Variants in SLCO4C1 observed in about 807,000 individuals in gnomAD.
The protein encoded by SLCO4C1 is solute carrier organic anion transporter family member 4C1.
In SLCO4C1, 58 loss-of-function variants were observed where a neutral mutation model predicts 72.1. That is an observed-to-expected ratio of 0.80 (90% CI 0.65 to 1.00). SLCO4C1 has a LOEUF of 1.00. Ranked by LOEUF, SLCO4C1 falls within the 50% of genes least tolerant of loss-of-function variation. The probability of loss-of-function intolerance (pLI) is 0.00; values close to 1 mark genes in which losing one functional copy is unlikely to be tolerated. For synonymous variants in SLCO4C1, 297 were observed against 312.5 expected (o/e 0.95, Z 0.52); for missense variants, 898 against 857.9 (o/e 1.05, Z -0.58).
intron 10 of SLCO4C1, among the ~76,000 whole-genome samples, chr5:102,242,326 A>C (rs1437417321): frequency 6.6e-6 from 1 of 152,192 alleles, no homozygotes; most frequent in Non-Finnish European, 1.5e-5. Context: ...AAGACAGTGG[A>C]CTGGAGGCAC....
Position 102,257,976 on chromosome 5 carries a change from C to A in SLCO4C1, c.1240G>T (p.Gly414Ter). ...GTAGCTGCGAAGCTGGATGTCAATC[C>A]GAATTGATTTTCTATAAATTTAGGT... ...FLPKFIENQF[G>*]LTSSFAATLG... The change falls in exon 7 of 13, where the codon GGA (glycine) becomes TGA (stop). Residue 414 changes from glycine to a stop codon, truncating the protein, a stop_gained. Coordinates refer to ENST00000310954, the MANE Select transcript of SLCO4C1 (RefSeq NM_180991.5). LOFTEE classifies it high-confidence loss of function. 1.9e-6 allele frequency: 3 copies of A among 1,604,888 alleles called. No individual in the cohort carries two copies. Among genetic ancestry groups the A allele is most frequent in the South Asian group, 1.1e-5 (1 of 88,400 alleles).
intron 7 of SLCO4C1, 116 bp downstream of exon 7, chr5:102,257,827 C>T: frequency 2.1e-6 from 2 of 933,728 alleles, no homozygotes; most frequent in Non-Finnish European, 3.2e-6. Context: ...ACCATGTTGG[C>T]CGGGCTGGTT....
intron 5 of SLCO4C1, among the ~76,000 whole-genome samples, chr5:102,260,618 A>C (rs1748923049): frequency 6.6e-6 from 1 of 151,890 alleles, no homozygotes; most frequent in Non-Finnish European, 1.5e-5. Flanking sequence ...CTAAACATTA[A>C]AATGAGACAA....
At chr5:102,275,724 G>T (rs1023972684) in intron 2 of SLCO4C1, among the ~76,000 whole-genome samples, 1 of 152,114 alleles carries the variant, frequency 6.6e-6, no homozygotes, top group Admixed American at 6.6e-5. Flanking sequence ...AATCTTCTTG[G>T]TTCTCGAATA....
At position 102,260,321 on chromosome 5, in the gene SLCO4C1, TAA is replaced by T. The variant is rs746119680; in HGVS notation, c.1022-4_1022-3del. On this transcript the variant is annotated splice_polypyrimidine_tract_variant and splice_region_variant and intron_variant, in intron 5 of 12. Coordinates refer to ENST00000310954, the MANE Select transcript of SLCO4C1 (RefSeq NM_180991.5). ...TTCCAGCTTGAATTTCTGCTGTACC[TAA>T]AAAAAAAATATATATATATATATAA... The T allele has an allele frequency of 0.016, 6,303 of 405,022 alleles. 764 individuals are homozygous for T. Among genetic ancestry groups the T allele is most frequent in the Non-Finnish European group, 0.018 (5,341 of 290,682 alleles). The allele number at this position is 405,022 out of a possible 1,614,324, so 25.1% of individuals were successfully genotyped here.
intron 1 of SLCO4C1, among the ~76,000 whole-genome samples, chr5:102,293,995 G>A (rs1343549614): frequency 1.3e-5 from 2 of 152,272 alleles, no homozygotes; most frequent in East Asian, 3.9e-4. Flanking sequence ...TTCAAACTCC[G>A]CCTCCTGGGT....
chr5:102,247,232 T>C lies in SLCO4C1; in HGVS notation c.1811+20A>G. 6.8e-7 allele frequency: 1 copy of C among 1,460,364 alleles called. No homozygotes were observed. Among genetic ancestry groups the C allele is most frequent in the Non-Finnish European group, 9.1e-7 (1 of 1,093,902 alleles). The allele number at this position is 1,460,364 out of a possible 1,614,324, so 90.5% of individuals were successfully genotyped here. A position where few individuals can be genotyped will look rare whatever the true frequency, so the allele number is the denominator to read the frequency against. Reference sequence around the variant, plus strand: ...AACATGTTGCCTTAGGGAATGAAAATTTCTCAACGTGCTACATACCTTAGG... The same window carrying C: ...AACATGTTGCCTTAGGGAATGAAAACTTCTCAACGTGCTACATACCTTAGG... On this transcript the variant is annotated intron_variant, in intron 10 of 12. Coordinates refer to ENST00000310954, the MANE Select transcript of SLCO4C1 (RefSeq NM_180991.5).
chr5:102,291,500 T>C lies in SLCO4C1; in HGVS notation c.462A>G (p.Ser154=), dbSNP rs775698981. The C allele has an allele frequency of 6.2e-7, 1 of 1,614,094 alleles. No individual in the cohort carries two copies. ...TGLISSSYDI[S]FCLLSLFVSF... is the part of the protein sequence containing the mutation. ...ATACAAATAAAGACAACAAACAGAA[T>C]GAAATATCGTAGCTTGATGAAATCA... The change falls in exon 2 of 13, where the codon TCA becomes TCG. Residue 154 remains serine (S), a synonymous_variant. Coordinates refer to ENST00000310954, the MANE Select transcript of SLCO4C1 (RefSeq NM_180991.5).
At chr5:102,250,176 A>T (rs1748712553) in intron 8 of SLCO4C1, among the ~76,000 whole-genome samples, 1 of 152,190 alleles carries the variant, frequency 6.6e-6, no homozygotes. Flanking sequence ...ATCTCCATAC[A>T]GTGCCAAATA....
intron 6 of SLCO4C1, 139 bp downstream of exon 6, chr5:102,260,074 G>A (rs1748905854): frequency 4.1e-6 from 1 of 243,954 alleles, no homozygotes; most frequent in Admixed American, 5.7e-5. Context: ...ATGTATACAT[G>A]TGTGGTTGTA....
intron 2 of SLCO4C1, among the ~76,000 whole-genome samples, chr5:102,272,604 A>G (rs1276800306): frequency 6.6e-6 from 1 of 152,176 alleles, no homozygotes; most frequent in Non-Finnish European, 1.5e-5. Context: ...TAAAAAAGGA[A>G]TGGAAACAAT....
intron 10 of SLCO4C1, among the ~76,000 whole-genome samples, chr5:102,244,389 T>C (rs2112338879): frequency 6.6e-6 from 1 of 152,186 alleles, no homozygotes; most frequent in Non-Finnish European, 1.5e-5. Context: ...GCCTACAGCA[T>C]CTAGAAAATA....
chr5:102,257,100 C>G lies in SLCO4C1; in HGVS notation c.1469+15G>C. 2.7e-6 allele frequency: 4 copies of G among 1,486,420 alleles called. No homozygotes were observed. The highest frequency in any genetic ancestry group is 3.6e-6 in the Non-Finnish European group (4 of 1,115,160). 92.1% of individuals were successfully genotyped at this position (1,486,420 alleles called of 1,614,324 possible). A position where few individuals can be genotyped will look rare whatever the true frequency, so the allele number is the denominator to read the frequency against. On this transcript the variant is annotated intron_variant, in intron 8 of 12. Coordinates refer to ENST00000310954, the MANE Select transcript of SLCO4C1 (RefSeq NM_180991.5). ...ATTCTGGTATTAATATCAAAAAGCA[C>G]TGAATTGTATTTACCCATTATATGA...
At chr5:102,288,075 A>C (rs1196096788) in intron 2 of SLCO4C1, among the ~76,000 whole-genome samples, 1 of 152,172 alleles carries the variant, frequency 6.6e-6, no homozygotes, top group Non-Finnish European at 1.5e-5. Flanking sequence ...TAACTAATAT[A>C]TCCCTTCCTG....
intron 8 of SLCO4C1, among the ~76,000 whole-genome samples, chr5:102,253,593 G>C (rs933592197): frequency 2.6e-5 from 4 of 152,022 alleles, no homozygotes; most frequent in Non-Finnish European, 4.4e-5. Context: ...GATCACCTGA[G>C]GTCAGGAGTT....
intron 10 of SLCO4C1, 24 bp from the exon 11 acceptor site, chr5:102,240,806 G>A (rs1336023507): frequency 1.9e-6 from 3 of 1,555,802 alleles, no homozygotes; most frequent in African/African-American, 1.4e-5. Flanking sequence ...ATATATATGA[G>A]ACCAAAAAAG....
rs1580241528 is a variant in SLCO4C1 at position 102,247,380 on chromosome 5, A to G, written c.1683T>C (p.Phe561=). 2.5e-6 allele frequency: 4 copies of G among 1,596,814 alleles called. No individual in the cohort carries two copies. The highest frequency in any genetic ancestry group is 3.4e-6 in the Non-Finnish European group (4 of 1,166,922). ...KTEITSTAET[F]GFEAKAGKCE... is the part of the protein sequence containing the mutation. ...ATTTTCCAGCTTTAGCTTCAAAACCAAAAGTTTCTGCAGTGGATGTTATTT... is the reference window on the plus strand; with the variant it reads ...ATTTTCCAGCTTTAGCTTCAAAACCGAAAGTTTCTGCAGTGGATGTTATTT... The change falls in exon 10 of 13, where the codon TTT becomes TTC. Residue 561 remains phenylalanine, a synonymous_variant. Coordinates refer to ENST00000310954, the MANE Select transcript of SLCO4C1 (RefSeq NM_180991.5).
chr5:102,288,173 A>T (rs1175899424), intron 2 of SLCO4C1, among the ~76,000 whole-genome samples: 1 of 152,214 alleles, frequency 6.6e-6, no homozygotes, highest in Admixed American at 6.5e-5. Context: ...AAACCAAGTG[A>T]ATGACTTGCA....
chr5:102,291,138 A>G (rs1749540799), intron 2 of SLCO4C1, among the ~76,000 whole-genome samples: 1 of 152,188 alleles, frequency 6.6e-6, no homozygotes, highest in Admixed American at 6.5e-5. Context: ...AGGCTTAAAA[A>G]CTTGGAGAAC....
Sources: allele counts gnomAD v4.1 joint callset (sites outside exome capture counted in the v4.1 genomes callset), GRCh38; gene constraint gnomAD v4.1.1; transcripts MANE v1.5; gene names NCBI Gene and HGNC (gene_info 2026-07-23, HGNC 2026-07-21).